Variants in RIMS2 observed in about 807,000 individuals in gnomAD.
The protein encoded by RIMS2 is regulating synaptic membrane exocytosis 2.
RIMS2 carries 59 observed loss-of-function variants against 174.4 expected under a neutral mutation model. The ratio of observed to expected loss-of-function variants is 0.34; its 90% CI spans 0.27 to 0.42. The LOEUF (loss-of-function observed/expected upper bound fraction) is 0.42. RIMS2 is among the 10% of genes least tolerant of loss of function. The pLI, the probability that RIMS2 is intolerant of heterozygous loss-of-function variation, is 1.00. For synonymous variants in RIMS2, 606 were observed against 572.5 expected (o/e 1.06, Z -0.84); for missense variants, 1,620 against 1,666.3 (o/e 0.97, Z 0.48).
At chr8:104,223,836 A>G in intron 19 of RIMS2, 1 of 1,540,692 alleles carries the variant, frequency 6.5e-7, no homozygotes, top group South Asian at 1.1e-5. Context: ...CTATCTGTTT[A>G]GAAAGTCGGT....
chr8:104,253,717 T>A (rs1228050340), downstream of RIMS2: 2 of 152,208 alleles, frequency 1.3e-5, no homozygotes, highest in East Asian at 3.8e-4. Context: ...CACATTATTA[T>A]AGCTTGATTT....
At chr8:103,849,381 AG>A (rs1265710432) in intron 3 of RIMS2, among the ~76,000 whole-genome samples, 4 of 152,072 alleles carry the variant, frequency 2.6e-5, no homozygotes, top group African/African-American at 7.2e-5. Flanking sequence ...AATGTTCTTC[AG>A]GAAAAATCTT....
chr8:104,148,937 T>G, intron 19 of RIMS2, 89 bp downstream of exon 25: 1 of 1,296,116 alleles, frequency 7.7e-7, no homozygotes, highest in South Asian at 1.4e-5. Context: ...ATTGCAGTAA[T>G]GTGTGGATGA....
chr8:103,838,955 C>T (rs1383357166), intron 3 of RIMS2, among the ~76,000 whole-genome samples: 1 of 152,118 alleles, frequency 6.6e-6, no homozygotes, highest in African/African-American at 2.4e-5. Flanking sequence ...GTCCCAGCTA[C>T]TGGGGAGGCT....
downstream of RIMS2, chr8:104,252,370 A>T (rs1046426808): frequency 1.3e-5 from 2 of 157,470 alleles, no homozygotes; most frequent in African/African-American, 2.4e-5. Context: ...CAGACTTTGT[A>T]GCTCCATGGG....
intron 1 of RIMS2, among the ~76,000 whole-genome samples, chr8:103,504,213 T>C (rs1471856902): frequency 1.3e-5 from 2 of 152,148 alleles, no homozygotes; most frequent in African/African-American, 4.8e-5. Flanking sequence ...GATTAATGTT[T>C]TTAAGTCTTG....
intron 1 of RIMS2, among the ~76,000 whole-genome samples, chr8:103,591,119 G>A (rs981488422): frequency 1.3e-5 from 2 of 150,892 alleles, no homozygotes; most frequent in Non-Finnish European, 3.0e-5. Flanking sequence ...ATATGTAGAG[G>A]TAGCTCTCTG....
intron 1 of RIMS2, among the ~76,000 whole-genome samples, chr8:103,518,743 A>G (rs557378746): frequency 6.6e-6 from 1 of 152,168 alleles, no homozygotes; most frequent in Non-Finnish European, 1.5e-5. Flanking sequence ...TATGTTAACA[A>G]GTGACTTCTG....
chr8:103,628,245 A>T (rs1159755609), intron 1 of RIMS2, among the ~76,000 whole-genome samples: 1 of 152,176 alleles, frequency 6.6e-6, no homozygotes, highest in African/African-American at 2.4e-5. Context: ...AACTCTAGAC[A>T]AAATTCAAAA....
intron 19 of RIMS2, among the ~76,000 whole-genome samples, chr8:104,237,795 C>T (rs1214176817): frequency 3.3e-5 from 5 of 152,156 alleles, no homozygotes; most frequent in African/African-American, 1.2e-4. Context: ...GGCTATTTGT[C>T]TTTATTTTGT....
chr8:103,524,750 C>G (rs773064128), intron 1 of RIMS2, among the ~76,000 whole-genome samples: 1 of 148,610 alleles, frequency 6.7e-6, no homozygotes, highest in Non-Finnish European at 1.5e-5. Flanking sequence ...GATGCTGGAG[C>G]CTGCAGTCAC....
chr8:103,788,720 TTTTG>T (rs1405330449), intron 3 of RIMS2, among the ~76,000 whole-genome samples: 17 of 151,972 alleles, frequency 1.1e-4, no homozygotes, highest in African/African-American at 3.9e-4. Context: ...ACTGCTGTCT[TTTTG>T]TTTGTCTGTG....
chr8:104,182,056 T>C (rs976598872), intron 19 of RIMS2, among the ~76,000 whole-genome samples: 2 of 151,774 alleles, frequency 1.3e-5, no homozygotes, highest in Middle Eastern at 3.3e-3. Context: ...TTTTATATGA[T>C]TTGAGGAATG....
chr8:104,218,583 G>T (rs1225519214), intron 19 of RIMS2, among the ~76,000 whole-genome samples: 1 of 152,068 alleles, frequency 6.6e-6, no homozygotes, highest in Non-Finnish European at 1.5e-5. Context: ...TATAGAATCA[G>T]TGGGAGCCCT....
chr8:104,209,112 A>T (rs896776367), intron 19 of RIMS2, among the ~76,000 whole-genome samples: 4 of 152,250 alleles, frequency 2.6e-5, no homozygotes, highest in Non-Finnish European at 5.9e-5. Context: ...CAAAGAACTG[A>T]TGGAGAGGAG....
chr8:103,782,135 C>T (rs1402652137), intron 3 of RIMS2, among the ~76,000 whole-genome samples: 8 of 150,342 alleles, frequency 5.3e-5, no homozygotes, highest in South Asian at 2.1e-4. Context: ...TTCTCTAACA[C>T]GGTTACTATT....
At chr8:103,945,522 A>G (rs942210920) in intron 14 of RIMS2, among the ~76,000 whole-genome samples, 5 of 152,156 alleles carry the variant, frequency 3.3e-5, no homozygotes, top group South Asian at 2.1e-4. Context: ...TCATGAACAT[A>G]CACACAGACA....
intron 1 of RIMS2, among the ~76,000 whole-genome samples, chr8:103,563,419 T>C (rs997611763): frequency 2.6e-5 from 4 of 152,216 alleles, no homozygotes; most frequent in African/African-American, 9.6e-5. Context: ...TGCGTCTCTT[T>C]GCTAAAACAT....
Position 103,932,382 on chromosome 8 carries a change from A to G in RIMS2, c.2375+989A>G, listed in dbSNP as rs78030246. Among the ~76,000 whole-genome samples the G allele has an allele frequency of 6.2e-3, 945 of 152,322 alleles. 11 individuals are homozygous for G. Among genetic ancestry groups the G allele is most frequent in the African/African-American group, 0.021 (893 of 41,580 alleles). On this transcript the variant is annotated intron_variant, in intron 12 of 23. Coordinates refer to ENST00000504942, the Ensembl canonical transcript of RIMS2. ...AATAGACAATGAACAAAGGCTTTGC[A>G]TTTTATTTGATACATATTTTGAAGT...
Sources: gnomAD v4.1 joint callset for allele counts (sites outside exome capture counted in the v4.1 genomes callset) on GRCh38, gnomAD v4.1.1 for gene constraint, MANE v1.5 for transcripts, NCBI Gene and HGNC (gene_info 2026-07-23, HGNC 2026-07-21) for gene names.